The following PIK3CA variants were observed in gnomAD, a reference collection of about 807,000 sequenced individuals.
PIK3CA encodes the protein phosphatidylinositol 4,5-bisphosphate 3-kinase catalytic subunit alpha isoform.
In PIK3CA, 27 loss-of-function variants were observed where a neutral mutation model predicts 138.2. The ratio of observed to expected loss-of-function variants is 0.20; its 90% CI spans 0.14 to 0.27. The LOEUF is 0.27. Among genes scored for constraint, PIK3CA ranks in the 10% least tolerant of loss-of-function variants. The probability of loss-of-function intolerance (pLI) is 1.00; values close to 1 mark genes in which losing one functional copy is unlikely to be tolerated. For synonymous variants in PIK3CA, 358 were observed against 413.2 expected, an observed-to-expected ratio of 0.87 and a Z score of 1.62; for missense variants, 544 against 1,277.4, an observed-to-expected ratio of 0.43 and a Z score of 8.75.
chr3:179,160,009 A>G (rs1723236248), intron 1 of PIK3CA, among the ~76,000 whole-genome samples: 1 of 152,218 alleles, frequency 6.6e-6, no homozygotes, highest in East Asian at 1.9e-4. Context: ...GAAGCTTGCA[A>G]GACTAGAAGT....
chr3:179,167,402 A>G (rs1481338306), intron 1 of PIK3CA, among the ~76,000 whole-genome samples: 1 of 152,038 alleles, frequency 6.6e-6, no homozygotes, highest in Non-Finnish European at 1.5e-5. Flanking sequence ...AGATACTCAT[A>G]TCTTCATTTT....
intron 1 of PIK3CA, among the ~76,000 whole-genome samples, chr3:179,184,988 C>T (rs1270598626): frequency 1.3e-5 from 2 of 152,172 alleles, no homozygotes; most frequent in African/African-American, 4.8e-5. Context: ...ATTATGTCCT[C>T]ACCCCATGAT....
At chr3:179,225,379 G>A (rs753702621) in intron 16 of PIK3CA, among the ~76,000 whole-genome samples, 4 of 152,128 alleles carry the variant, frequency 2.6e-5, no homozygotes, top group Admixed American at 1.3e-4. Context: ...GTACTTATAT[G>A]GAGGAAAAGG....
rs1007260426 is a variant in PIK3CA at position 179,238,680 on chromosome 3, G to C, written c.*4316G>C. ...CCATTTGAAAAAGGCAATAGTTTGA[G>C]GAGGTTCCCGAATTCGGCATTTGAA... is the stretch of plus-strand genomic sequence containing the variant. On this transcript the variant is annotated 3_prime_UTR_variant, in exon 21 of 21. Coordinates refer to ENST00000263967, the MANE Select transcript of PIK3CA (RefSeq NM_006218.4). 11 of 226,444 alleles carry C rather than the reference G, an allele frequency of 4.9e-5. No homozygotes were observed. Among genetic ancestry groups the C allele is most frequent in the Non-Finnish European group, 7.0e-5 (8 of 113,748 alleles). The allele number at this position is 226,444 out of a possible 1,614,324, so 14.0% of individuals were successfully genotyped here.
In PIK3CA at chr3:179,219,771, A is replaced by G. The variant is rs753200709; in HGVS notation, c.1911+36A>G. ...GTAAAATAGTAAATAATGTTTAATT[A>G]CAATAATAATTTATTCTAGATCCAT... On this transcript the variant is annotated intron_variant, in intron 12 of 20. Transcript: ENST00000263967. The surrounding 1 kb of genome is among the most constrained non-coding windows in gnomAD (Gnocchi z 4.2). 1.3e-5 allele frequency: 19 copies of G among 1,428,416 alleles called. No individual in the cohort carries two copies. The highest frequency in any genetic ancestry group is 1.8e-5 in the Non-Finnish European group (19 of 1,039,558). 88.5% of individuals were successfully genotyped at this position (1,428,416 alleles called of 1,614,324 possible). A position where few individuals can be genotyped will look rare whatever the true frequency, so the allele number is the denominator to read the frequency against.
chr3:179,154,662 T>C (rs1723091096), intron 1 of PIK3CA, among the ~76,000 whole-genome samples: 1 of 152,210 alleles, frequency 6.6e-6, no homozygotes. Flanking sequence ...TGTAATGTGT[T>C]GCTTGCTAAG....
At chr3:179,150,650 C>T (rs1340600902) in intron 1 of PIK3CA, among the ~76,000 whole-genome samples, 1 of 152,166 alleles carries the variant, frequency 6.6e-6, no homozygotes, top group Admixed American at 6.5e-5. Flanking sequence ...AGTGGTTTTG[C>T]TTGCTCTGTG....
chr3:179,180,555 GA>G (rs11457431), intron 1 of PIK3CA, among the ~76,000 whole-genome samples: 12 of 150,192 alleles, frequency 8.0e-5, no homozygotes, highest in African/African-American at 2.4e-4. Flanking sequence ...AGAGAAGATT[GA>G]AAAAAAAAGG....
At chr3:179,227,137 G>T (rs955691936) in intron 17 of PIK3CA, among the ~76,000 whole-genome samples, 1 of 151,960 alleles carries the variant, frequency 6.6e-6, no homozygotes, top group African/African-American at 2.4e-5. Flanking sequence ...AATATTAATG[G>T]TTTTTTAGTC....
intron 1 of PIK3CA, among the ~76,000 whole-genome samples, chr3:179,185,476 C>T (rs2677760): frequency 0.57 from 86,351 of 152,084 alleles, 25,741 homozygotes; most frequent in African/African-American, 0.75. Context: ...TTGATTCTGC[C>T]GCAGATTCTT....
At chr3:179,233,660 T>C (rs982440227) in intron 20 of PIK3CA, among the ~76,000 whole-genome samples, 2 of 152,182 alleles carry the variant, frequency 1.3e-5, no homozygotes, top group African/African-American at 4.8e-5. Flanking sequence ...TCAACCATAA[T>C]CACCTTGTTT....
intron 6 of PIK3CA, among the ~76,000 whole-genome samples, chr3:179,207,496 G>T (rs1724594043): frequency 6.6e-6 from 1 of 151,808 alleles, no homozygotes; most frequent in South Asian, 2.1e-4. Flanking sequence ...TAAAGATTTA[G>T]GAATAATAAA....
chr3:179,223,426 A>G (rs1725012562), intron 14 of PIK3CA, among the ~76,000 whole-genome samples: 2 of 152,204 alleles, frequency 1.3e-5, no homozygotes, highest in African/African-American at 4.8e-5. Flanking sequence ...TTGTAGCCAC[A>G]TACTAAAACC....
chr3:179,161,635 T>TGCGGTGAGCTGAGATC (rs2108355027), intron 1 of PIK3CA, among the ~76,000 whole-genome samples: 1 of 152,292 alleles, frequency 6.6e-6, no homozygotes, highest in Admixed American at 6.5e-5. Flanking sequence ...AGTTGGAGGT[T>TGCGGTGAGCTGAGATC]GCGGTGAGCT....
In PIK3CA at chr3:179,218,195, T is replaced by C; in HGVS notation, c.1540-15T>C. 6.5e-7 allele frequency: 1 copy of C among 1,537,024 alleles called. No individual in the cohort carries two copies. Among genetic ancestry groups the C allele is most frequent in the Non-Finnish European group, 8.8e-7 (1 of 1,138,250 alleles). On this transcript the variant is annotated splice_polypyrimidine_tract_variant and intron_variant, in intron 9 of 20. Coordinates refer to ENST00000263967, the MANE Select transcript of PIK3CA (RefSeq NM_006218.4). ...TGACAAAGAAAGCTATATAAGATATTATTTTATTTTACAGAGTAACAGACT... is the reference window on the plus strand; with the variant it reads ...TGACAAAGAAAGCTATATAAGATATCATTTTATTTTACAGAGTAACAGACT...
intron 1 of PIK3CA, among the ~76,000 whole-genome samples, chr3:179,160,283 A>C (rs1723243562): frequency 6.6e-6 from 1 of 152,222 alleles, no homozygotes; most frequent in South Asian, 2.1e-4. Context: ...TAACTAATGT[A>C]AATATTGCAA....
intron 20 of PIK3CA, 108 bp from the exon 21 acceptor site, chr3:179,233,986 A>G: frequency 1.4e-6 from 1 of 702,418 alleles, no homozygotes; most frequent in Non-Finnish European, 2.4e-6. Context: ...CTATTTTTTT[A>G]TAGCTTTGTC....
chr3:179,178,681 G>T (rs1433814233), intron 1 of PIK3CA, among the ~76,000 whole-genome samples: 1 of 152,182 alleles, frequency 6.6e-6, no homozygotes, highest in Admixed American at 6.5e-5. Context: ...GACTCAGCAT[G>T]ATGTCGTACT....
chr3:179,211,296 A>G (rs1724703699), intron 9 of PIK3CA, among the ~76,000 whole-genome samples: 1 of 152,258 alleles, frequency 6.6e-6, no homozygotes. Flanking sequence ...TAACTGTAGT[A>G]CATACTGTAC....
Sources: allele counts gnomAD v4.1 joint callset (sites outside exome capture counted in the v4.1 genomes callset), GRCh38; gene constraint gnomAD v4.1.1; non-coding constraint Gnocchi (gnomAD v3.1); transcripts MANE v1.5; gene names NCBI Gene and HGNC (gene_info 2026-07-23, HGNC 2026-07-21).